Variants in DNAH12 observed in about 807,000 individuals in gnomAD.
The protein encoded by DNAH12 is dynein axonemal heavy chain 12.
Under a neutral mutation model 371.5 loss-of-function variants are expected in DNAH12, and 285 were observed. That is an observed-to-expected ratio of 0.77 (90% CI 0.70 to 0.85). DNAH12 has a LOEUF of 0.85. Ranked by LOEUF, DNAH12 falls within the 40% of genes least tolerant of loss-of-function variation. The pLI is 0.00. For synonymous variants in DNAH12, 1,200 were observed against 1,213.0 expected (o/e 0.99, Z 0.22); for missense variants, 3,611 against 3,689.4 (o/e 0.98, Z 0.55).
At chr3:57,414,983 A>G (rs1523111) in intron 38 of DNAH12, among the ~76,000 whole-genome samples, 133,437 of 152,142 alleles carry the variant, frequency 0.88, 58,967 homozygotes, top group South Asian at 0.92. Flanking sequence ...ATGCACTCAC[A>G]TGGTTCCTGT....
intron 60 of DNAH12, among the ~76,000 whole-genome samples, chr3:57,336,701 T>C (rs2062231778): frequency 6.6e-6 from 1 of 152,186 alleles, no homozygotes; most frequent in African/African-American, 2.4e-5. Context: ...AATATTTAAG[T>C]GTCTGTAAAA....
rs72879653 is a variant in DNAH12, at chr3:57,411,802, A to G, written c.6020+1944T>C. ...CGCAATCCCAATCTAAATCCCAGCA[A>G]GTTATTTTTTGGATATTGAGAAACT... On this transcript the variant is annotated intron_variant, in intron 39 of 73. Transcript: ENST00000495027. Among the ~76,000 whole-genome samples, 1,238 of 152,260 alleles carry G rather than the reference A, an allele frequency of 8.1e-3. 12 individuals are homozygous for G. Among genetic ancestry groups the G allele is most frequent in the African/African-American group, 0.028 (1,152 of 41,538 alleles).
intron 55 of DNAH12, among the ~76,000 whole-genome samples, chr3:57,374,247 T>G (rs2063235673): frequency 6.6e-6 from 1 of 152,138 alleles, no homozygotes; most frequent in Admixed American, 6.6e-5. Flanking sequence ...ATCTATAAAA[T>G]GGGATAATAA....
chr3:57,314,091 T>C (rs900347951), intron 66 of DNAH12, among the ~76,000 whole-genome samples: 7 of 152,168 alleles, frequency 4.6e-5, no homozygotes, highest in Non-Finnish European at 1.0e-4. Context: ...TGTTGATTGA[T>C]AGAGCTAAGC....
intron 4 of DNAH12, among the ~76,000 whole-genome samples, chr3:57,513,093 G>A (rs868484665): frequency 3.3e-5 from 5 of 150,200 alleles, no homozygotes; most frequent in African/African-American, 1.2e-4. Flanking sequence ...AGCCGAGATC[G>A]CACCACTGCA....
rs922138222 is a variant in DNAH12 at position 57,404,979 on chromosome 3, C to G, written c.6745G>C (p.Val2249Leu). ...ACCATATATAGGTACCTAAAAATGACAAGATTCATTCTTGTTTTGTGTGTT... is the reference window on the plus strand; with the variant it reads ...ACCATATATAGGTACCTAAAAATGAGAAGATTCATTCTTGTTTTGTGTGTT... ...NQTHKTRMNL[V>L]IFRYVLEHLS... Residue 2249 changes from valine to leucine, a missense_variant, in exon 42 of 74, where the codon GTC becomes CTC. Physicochemically the swap from Val to Leu is conservative, Grantham distance 32. This residue lies in a region of DNAH12 where 2,266 missense variants were observed against 2,236.9 expected (regional missense o/e 1.01). Transcript: ENST00000495027. 2 of 1,511,374 alleles carry G rather than the reference C, an allele frequency of 1.3e-6. No individual in the cohort carries two copies. Among genetic ancestry groups the G allele is most frequent in the Middle Eastern group, 3.4e-4 (2 of 5,878 alleles). 93.6% of individuals were successfully genotyped at this position (1,511,374 alleles called of 1,614,324 possible). A position where few individuals can be genotyped will look rare whatever the true frequency, so the allele number is the denominator to read the frequency against.
At chr3:57,329,390 C>G (rs1467799017) in intron 62 of DNAH12, among the ~76,000 whole-genome samples, 1 of 121,902 alleles carries the variant, frequency 8.2e-6, no homozygotes, top group Admixed American at 8.6e-5. Context: ...CAGAACAGAG[C>G]CCTCAGAAAT....
At chr3:57,552,640 C>T in the DNAH12 span, among the ~76,000 whole-genome samples, 1 of 152,126 alleles carries the variant, frequency 6.6e-6, no homozygotes, top group Non-Finnish European at 1.5e-5. Flanking sequence ...TATAGTGTCT[C>T]ATCTCATACT....
intron 69 of DNAH12, among the ~76,000 whole-genome samples, chr3:57,304,662 C>T (rs571345226): frequency 5.3e-5 from 8 of 152,300 alleles, no homozygotes; most frequent in Non-Finnish European, 7.3e-5. Context: ...TATTCACCCA[C>T]GTTTCAGAGG....
chr3:57,526,827 T>TTG (rs2068663150), intron 2 of DNAH12, among the ~76,000 whole-genome samples: 1 of 151,260 alleles, frequency 6.6e-6, no homozygotes, highest in East Asian at 1.9e-4. Context: ...CGGCCTCTTT[T>TTG]TTGTTGTTGT....
At chr3:57,480,106 C>T (rs1173852227) in intron 13 of DNAH12, among the ~76,000 whole-genome samples, 1 of 151,952 alleles carries the variant, frequency 6.6e-6, no homozygotes, top group Non-Finnish European at 1.5e-5. Flanking sequence ...CATAAAAAAC[C>T]CTTCAAAAAA....
upstream of DNAH12, among the ~76,000 whole-genome samples, chr3:57,545,622 A>G (rs2069516732): frequency 6.6e-6 from 1 of 152,068 alleles, no homozygotes; most frequent in African/African-American, 2.4e-5. Context: ...TGCATTAGGT[A>G]GATAGCAAGG....
At chr3:57,334,965 T>G in intron 60 of DNAH12, 25 bp from the exon 61 acceptor site, 1 of 1,524,778 alleles carries the variant, frequency 6.6e-7, no homozygotes, top group South Asian at 1.3e-5. Context: ...TAAGGACTGT[T>G]ATATAATTGT....
intron 29 of DNAH12, among the ~76,000 whole-genome samples, chr3:57,438,162 T>C (rs1228153318): frequency 6.9e-6 from 1 of 144,378 alleles, no homozygotes; most frequent in Non-Finnish European, 1.5e-5. Context: ...TACAAAAAAA[T>C]CAGCCAGGCG....
At chr3:57,526,816 C>T (rs752276646) in intron 2 of DNAH12, among the ~76,000 whole-genome samples, 1 of 151,792 alleles carries the variant, frequency 6.6e-6, no homozygotes, top group South Asian at 2.1e-4. Flanking sequence ...AGCACTGCGC[C>T]CGGCCTCTTT....
At chr3:57,498,877 T>C (rs569035582) in intron 11 of DNAH12, among the ~76,000 whole-genome samples, 8 of 152,154 alleles carry the variant, frequency 5.3e-5, no homozygotes, top group African/African-American at 1.9e-4. Context: ...TGGGTGCCTG[T>C]AATCCCAGCT....
chr3:57,325,089 C>T (rs954621225), intron 62 of DNAH12, among the ~76,000 whole-genome samples: 2 of 152,246 alleles, frequency 1.3e-5, no homozygotes, highest in Non-Finnish European at 1.5e-5. Flanking sequence ...GGGTGGAACC[C>T]ACCACAGCTC....
chr3:57,433,912 G>A (rs913356596), intron 30 of DNAH12, 84 bp from the exon 31 acceptor site: 3 of 1,129,708 alleles, frequency 2.7e-6, no homozygotes, highest in African/African-American at 3.2e-5. Flanking sequence ...TTTACCCTGT[G>A]ATAATTACTA....
intron 39 of DNAH12, among the ~76,000 whole-genome samples, chr3:57,409,116 C>A (rs1306744908): frequency 1.3e-4 from 19 of 151,936 alleles, no homozygotes; most frequent in Non-Finnish European, 1.2e-4. Flanking sequence ...TAGAAAGGGA[C>A]CCATTAGGGA....
Sources: gnomAD v4.1 joint callset for allele counts (sites outside exome capture counted in the v4.1 genomes callset) on GRCh38, gnomAD v4.1.1 for gene constraint, gnomAD v4.1.1 regional missense constraint, MANE v1.5 for transcripts, NCBI Gene and HGNC (gene_info 2026-07-23, HGNC 2026-07-21) for gene names.